Variants in COL11A2 observed in about 807,000 individuals in gnomAD.
COL11A2 encodes the protein collagen type XI alpha 2 chain, also known as collagen alpha-2(XI) chain.
In COL11A2, 116 loss-of-function variants were observed where a neutral mutation model predicts 273.4. The observed-to-expected ratio is 0.42, with a 90% CI of 0.36 to 0.49. COL11A2 has a LOEUF of 0.49. COL11A2 is among the 20% of genes least tolerant of loss of function. The probability of loss-of-function intolerance (pLI) is 0.00; values close to 1 mark genes in which losing one functional copy is unlikely to be tolerated. For synonymous variants in COL11A2, 782 were observed against 864.2 expected (o/e 0.90, Z 1.67); for missense variants, 1,866 against 2,309.0 (o/e 0.81, Z 3.93).
rs1168946579 is a variant in COL11A2, at chr6:33,174,053, G to A, written c.2487C>T (p.Gly829=). 3 of 1,613,852 alleles carry A rather than the reference G, an allele frequency of 1.9e-6. No homozygotes were observed. The highest frequency in any genetic ancestry group is 2.2e-5 in the South Asian group (2 of 91,082). Residue 829 remains glycine (G), a splice_region_variant and synonymous_variant, in exon 33 of 66, where the codon GGC becomes GGT. Coordinates refer to ENST00000341947, the MANE Select transcript of COL11A2 (RefSeq NM_080680.3). The part of the protein sequence containing the change: ...PGASGEKGAR[G]LSGKSGPRGE... Reference sequence around the variant, plus strand: ...CCCGAGGCCCTGACTTCCCCGACAGGCCCTGGTGGGAATGAAGCAGAGAGA... The same window carrying A: ...CCCGAGGCCCTGACTTCCCCGACAGACCCTGGTGGGAATGAAGCAGAGAGA...
Position 33,167,812 on chromosome 6 carries a change from C to T in COL11A2, c.4001G>A (p.Gly1334Glu), listed in dbSNP as rs200078912. 3 of 1,612,750 alleles carry T rather than the reference C, an allele frequency of 1.9e-6. No homozygotes were observed. Among genetic ancestry groups the T allele is most frequent in the African/African-American group, 1.3e-5 (1 of 74,902 alleles). The change falls in exon 55 of 66, where the codon GGG (glycine) becomes GAG (glutamate). Residue 1334 changes from glycine to glutamate, a missense_variant. Gly to Glu is a moderately conservative substitution (Grantham distance 98, BLOSUM62 -2). Transcript: ENST00000341947. This position sits in a 1 kb window ranked among gnomAD's most constrained non-coding sequence, Gnocchi z 6.1. ...GSPGSEGRQG[G>E]KGAKGDPGAI... ...CCTGTCCCTCACCTTGGCTCCCTTC[C>T]CTCCTTGTCGCCCCTCGGAACCAGG...
chr6:33,173,208 G>A lies in COL11A2; in HGVS notation c.2737-95C>T. ...AGGATCCCAGGCAGGATCACACCAA[G>A]CCCTGGGCCCTGGGTCTGAGCAGCA... On this transcript the variant is annotated intron_variant, in intron 37 of 65. Coordinates refer to ENST00000341947, the MANE Select transcript of COL11A2 (RefSeq NM_080680.3). The surrounding 1 kb of genome is among the most constrained non-coding windows in gnomAD (Gnocchi z 6.3). 5 of 1,521,922 alleles carry A rather than the reference G, an allele frequency of 3.3e-6. No individual in the cohort carries two copies. The highest frequency in any genetic ancestry group is 4.5e-6 in the Non-Finnish European group (5 of 1,112,352). The allele number at this position is 1,521,922 out of a possible 1,614,324, so 94.3% of individuals were successfully genotyped here.
rs1404909362 is a variant in COL11A2 at position 33,166,353 on chromosome 6, C to T, written c.4393-147G>A. On this transcript the variant is annotated intron_variant, in intron 60 of 65. Transcript: ENST00000341947. This position sits in a 1 kb window ranked among gnomAD's most constrained non-coding sequence, Gnocchi z 4.8. ...TGGGAATACTAGGACATTCAGAGCC[C>T]TGGAAGTATGGGGAGGAGGTACTGG... 6.2e-6 allele frequency: 8 copies of T among 1,287,714 alleles called. No homozygotes were observed. In the East Asian group the frequency reaches 1.7e-4, roughly 28 times the overall value. 79.8% of individuals were successfully genotyped at this position (1,287,714 alleles called of 1,614,324 possible). A position where few individuals can be genotyped will look rare whatever the true frequency, so the allele number is the denominator to read the frequency against.
chr6:33,171,947 G>T, intron 41 of COL11A2, 103 bp downstream of exon 41: 1 of 1,542,838 alleles, frequency 6.5e-7, no homozygotes, highest in Non-Finnish European at 9.0e-7. Flanking sequence ...GACAGCCTCT[G>T]CCCAGCCCCA....
At chr6:33,180,462 C>T in intron 11 of COL11A2, 130 bp from the exon 12 acceptor site, 1 of 956,612 alleles carries the variant, frequency 1.0e-6, no homozygotes, top group Non-Finnish European at 1.6e-6. Context: ...AGTCTCCCAC[C>T]CCCATGGGGA....
Position 33,173,985 on chromosome 6 carries a change from CA to C in COL11A2, c.2529+25del, listed in dbSNP as rs1770524509. On this transcript the variant is annotated intron_variant, in intron 33 of 65. Coordinates refer to ENST00000341947, the MANE Select transcript of COL11A2 (RefSeq NM_080680.3). This position sits in a 1 kb window ranked among gnomAD's most constrained non-coding sequence, Gnocchi z 6.3. ...AAATGCCCCCCTCTGGACCTTGAGCCACCTGTTTCTCTCCCCTGCACTCACC... is the reference window on the plus strand; with the variant it reads ...AAATGCCCCCCTCTGGACCTTGAGCCCCTGTTTCTCTCCCCTGCACTCACC... The C allele has an allele frequency of 1.2e-6, 2 of 1,613,960 alleles. No homozygotes were observed. The highest frequency in any genetic ancestry group is 2.7e-5 in the African/African-American group (2 of 74,870).
chr6:33,184,615 A>G (rs1772138844), intron 7 of COL11A2, among the ~76,000 whole-genome samples: 1 of 152,204 alleles, frequency 6.6e-6, no homozygotes, highest in East Asian at 1.9e-4. Flanking sequence ...CATGGACACA[A>G]TGACAGACAA....
At chr6:33,183,250 C>A (rs1200033587) in intron 8 of COL11A2, among the ~76,000 whole-genome samples, 1 of 152,094 alleles carries the variant, frequency 6.6e-6, no homozygotes, top group Non-Finnish European at 1.5e-5. Context: ...TTAAACATGG[C>A]CAACATGGCT....
chr6:33,178,255 C>T lies in COL11A2; in HGVS notation c.1818+53G>A. 6.2e-7 allele frequency: 1 copy of T among 1,612,728 alleles called. No individual in the cohort carries two copies. The highest frequency in any genetic ancestry group is 1.3e-5 in the African/African-American group (1 of 74,946). ...TGTGTCCCTTTAGTGCTCATGTCCC[C>T]CTCCTGGCTTCCCCAGAGCCCCCTC... On this transcript the variant is annotated intron_variant, in intron 20 of 65. Transcript: ENST00000341947. The surrounding 1 kb of genome is among the most constrained non-coding windows in gnomAD (Gnocchi z 4.6).
In COL11A2 at chr6:33,165,710, G is replaced by C; in HGVS notation, c.4589C>G (p.Thr1530Ser). The C allele has an allele frequency of 2.5e-6, 4 of 1,611,082 alleles. No homozygotes were observed. The highest frequency in any genetic ancestry group is 3.4e-6 in the Non-Finnish European group (4 of 1,179,986). ...RLMQEDEAIP[T>S]GGAPGSPGGL... ...CCCAGGACTGCCGGGGGCTCCCCCG[G>C]TCGGTATGGCCTCATCTTCCTGCAT... The change falls in exon 63 of 66, where the codon ACC (threonine) becomes AGC (serine). Residue 1530 changes from threonine (T) to serine (S), a missense_variant. Coordinates refer to ENST00000341947, the MANE Select transcript of COL11A2 (RefSeq NM_080680.3). This position sits in a 1 kb window ranked among gnomAD's most constrained non-coding sequence, Gnocchi z 7.7.
chr6:33,165,634 C>T lies in COL11A2; in HGVS notation c.4665G>A (p.Glu1555=), dbSNP rs766962425. The T allele has an allele frequency of 5.1e-5, 83 of 1,613,040 alleles. No individual in the cohort carries two copies. The highest frequency in any genetic ancestry group is 6.7e-5 in the Non-Finnish European group (79 of 1,180,016). ...GSLDSLREEI[E]QMRRPTGTQD... ...GGGTCCCTGTTGGCCGCCTCATCTG[C>T]TCGATCTCCTCCCGCAGGGAGTCGA... The change falls in exon 63 of 66, where the codon GAG becomes GAA. Residue 1555 remains glutamate, a synonymous_variant. Transcript: ENST00000341947. This position sits in a 1 kb window ranked among gnomAD's most constrained non-coding sequence, Gnocchi z 7.7.
At chr6:33,184,408 C>A in intron 7 of COL11A2, 84 bp from the exon 8 acceptor site, 2 of 989,096 alleles carry the variant, frequency 2.0e-6, no homozygotes, top group Admixed American at 2.3e-5. Context: ...GGTGTGACAA[C>A]TTCTAGCCCA....
Position 33,173,010 on chromosome 6 carries a change from C to T in COL11A2, c.2790+50G>A. On this transcript the variant is annotated intron_variant, in intron 38 of 65. Coordinates refer to ENST00000341947, the MANE Select transcript of COL11A2 (RefSeq NM_080680.3). The surrounding 1 kb of genome is among the most constrained non-coding windows in gnomAD (Gnocchi z 6.3). ...GTGTGACCGAGAGAAGAGGGGCAGACAGACTAATGCTAGGGTCAGGGGTCC... is the reference window on the plus strand; with the variant it reads ...GTGTGACCGAGAGAAGAGGGGCAGATAGACTAATGCTAGGGTCAGGGGTCC... 1 of 1,585,572 alleles carries T rather than the reference C, an allele frequency of 6.3e-7. No individual in the cohort carries two copies. Among genetic ancestry groups the T allele is most frequent in the Non-Finnish European group, 8.6e-7 (1 of 1,156,406 alleles).
At chr6:33,182,696 G>A (rs962024274) in intron 8 of COL11A2, among the ~76,000 whole-genome samples, 4 of 151,290 alleles carry the variant, frequency 2.6e-5, no homozygotes, top group Non-Finnish European at 5.9e-5. Flanking sequence ...GGGTGACAGA[G>A]TGAGACCCTG....
intron 1 of COL11A2, 29 bp downstream of exon 1, chr6:33,192,130 G>A (rs1359961844): frequency 4.5e-6 from 7 of 1,543,912 alleles, no homozygotes; most frequent in African/African-American, 1.4e-5. Context: ...GCCTGACTCC[G>A]AGGACCCAGG....
intron 30 of COL11A2, 148 bp from the exon 31 acceptor site, chr6:33,174,728 C>T: frequency 1.3e-6 from 1 of 763,204 alleles, no homozygotes; most frequent in Non-Finnish European, 2.3e-6. Flanking sequence ...TTGCTTGCCC[C>T]ACAGCTGCCT....
chr6:33,174,764 G>A (rs1770669353), intron 30 of COL11A2, among the ~76,000 whole-genome samples, 184 bp from the exon 31 acceptor site: 1 of 151,490 alleles, frequency 6.6e-6, no homozygotes, highest in Admixed American at 6.6e-5. Context: ...TCCTTCCCGT[G>A]AGTGGATTTT....
In COL11A2 at chr6:33,167,360, C is replaced by T. The variant is rs759244932; in HGVS notation, c.4123-43G>A. ...CCACAGGGGTCAGGAGGAGCATCCC[C>T]ACACTGCACCCCTCCCATGGCCCCT... On this transcript the variant is annotated intron_variant, in intron 56 of 65. Transcript: ENST00000341947. This position sits in a 1 kb window ranked among gnomAD's most constrained non-coding sequence, Gnocchi z 6.1. 1.3e-5 allele frequency: 21 copies of T among 1,612,640 alleles called. No individual in the cohort carries two copies. Among genetic ancestry groups the T allele is most frequent in the Middle Eastern group, 1.6e-4 (1 of 6,084 alleles).
In COL11A2 at chr6:33,169,542, G is replaced by A. The variant is rs1199162094; in HGVS notation, c.3691-52C>T. ...GGCCCAGGGAATCTTGAAGATCAGG[G>A]ATGCAGCCTCTGCTTCCGAGACACC... On this transcript the variant is annotated intron_variant, in intron 50 of 65. Transcript: ENST00000341947. The surrounding 1 kb of genome is among the most constrained non-coding windows in gnomAD (Gnocchi z 5.5). The A allele has an allele frequency of 1.3e-6, 2 of 1,557,776 alleles. No homozygotes were observed. The highest frequency in any genetic ancestry group is 1.4e-5 in the African/African-American group (1 of 73,812).
Sources: gnomAD v4.1 joint callset for allele counts (sites outside exome capture counted in the v4.1 genomes callset) on GRCh38, gnomAD v4.1.1 for gene constraint, Gnocchi (gnomAD v3.1) non-coding constraint, MANE v1.5 for transcripts, NCBI Gene and HGNC (gene_info 2026-07-23, HGNC 2026-07-21) for gene names.